DMD: variants seen among roughly 807,000 people sequenced by gnomAD.
DMD encodes the protein mutant dystrophin.
Under a neutral mutation model 330.1 loss-of-function variants are expected in DMD, and 63 were observed. The observed-to-expected ratio is 0.19, with a 90% CI of 0.16 to 0.24. The LOEUF (loss-of-function observed/expected upper bound fraction) is 0.24, where lower values mean the gene tolerates loss of function less well. DMD is among the 10% of genes least tolerant of loss of function. The pLI is 1.00. For missense variants in DMD, 3,344 were observed against 2,684.1 expected, an observed-to-expected ratio of 1.25 and a Z score of -5.43; for synonymous variants, 1,223 against 959.8, an observed-to-expected ratio of 1.27 and a Z score of -5.07.
intron 43 of DMD, among the ~76,000 whole-genome samples, chrX:32,233,965 T>C (rs766845055): frequency 9.0e-6 from 1 of 111,055 alleles, no homozygotes; most frequent in Non-Finnish European, 1.9e-5. Flanking sequence ...TGTGCCAAAA[T>C]TGTATATATA....
chrX:32,851,778 T>C (rs190637695), intron 2 of DMD, among the ~76,000 whole-genome samples: 1 of 111,774 alleles, frequency 8.9e-6, no homozygotes, highest in East Asian at 2.8e-4. Flanking sequence ...AAACGTTGCA[T>C]TGGAACCCAG....
Position 32,115,294 on chromosome X carries a change from G to A in DMD, c.6438+101622C>T, listed in dbSNP as rs774193744. Among the ~76,000 whole-genome samples the A allele has an allele frequency of 4.0e-3, 445 of 111,460 alleles. 2 individuals are homozygous for A. Among genetic ancestry groups the A allele is most frequent in the African/African-American group, 0.014 (414 of 30,619 alleles). On this transcript the variant is annotated intron_variant, in intron 44 of 78. Coordinates refer to ENST00000357033, the MANE Select transcript of DMD (RefSeq NM_004006.3). ...TCTGTTGCCCAGGCTGGAGTGCAGCGGTGTGATCACGGCTCACTGCAGCCT... is the reference window on the plus strand; with the variant it reads ...TCTGTTGCCCAGGCTGGAGTGCAGCAGTGTGATCACGGCTCACTGCAGCCT...
At chrX:32,172,451 G>T (rs1166162930) in intron 44 of DMD, among the ~76,000 whole-genome samples, 1 of 111,483 alleles carries the variant, frequency 9.0e-6, no homozygotes. Flanking sequence ...ATCAGTTTCC[G>T]AATATGCCAC....
At chrX:32,383,170 G>A (rs916906834) in intron 33 of DMD, among the ~76,000 whole-genome samples, 3 of 110,506 alleles carry the variant, frequency 2.7e-5, no homozygotes, top group Admixed American at 9.7e-5. Flanking sequence ...TAAGAATACA[G>A]CAAAAAGGTA....
chrX:33,317,430 G>C (rs1419395274), intron 1 of DMD, among the ~76,000 whole-genome samples: 2 of 111,486 alleles, frequency 1.8e-5, no homozygotes, highest in Non-Finnish European at 3.8e-5. Context: ...TTACATTTTA[G>C]AAAATAACAG....
chrX:32,867,315 T>C (rs1462076432), intron 2 of DMD, among the ~76,000 whole-genome samples: 1 of 112,118 alleles, frequency 8.9e-6, no homozygotes, highest in Non-Finnish European at 1.9e-5. Flanking sequence ...ACAAAAATAG[T>C]AAATCAAAAA....
At chrX:32,728,511 C>T (rs750628075) in intron 7 of DMD, among the ~76,000 whole-genome samples, 9 of 111,631 alleles carry the variant, frequency 8.1e-5, no homozygotes, top group African/African-American at 2.6e-4. Flanking sequence ...GCTTTTTATA[C>T]GCAGCTGCTT....
chrX:32,496,969 T>A (rs961419360), intron 19 of DMD, among the ~76,000 whole-genome samples: 1 of 112,039 alleles, frequency 8.9e-6, no homozygotes, highest in African/African-American at 3.2e-5. Flanking sequence ...CATGCCACAT[T>A]TGTATACAGA....
intron 54 of DMD, among the ~76,000 whole-genome samples, chrX:31,630,338 T>C (rs2079069910): frequency 8.9e-6 from 1 of 112,196 alleles, no homozygotes; most frequent in Non-Finnish European, 1.9e-5. Flanking sequence ...TCAGGCTGAA[T>C]ATTTTCTAAT....
In DMD at chrX:32,316,041, T is replaced by C. The variant is rs1281447502; in HGVS notation, c.5923-5765A>G. On this transcript the variant is annotated intron_variant, in intron 41 of 78. Transcript: ENST00000357033. ...ATCGAAATACTCTTAAAAGAAATAT[T>C]AGCCATTGAACTGCAGGTTGAGAAT... Among the ~76,000 whole-genome samples the C allele has an allele frequency of 2.7e-5, 3 of 111,352 alleles. 1 individual carries two copies. Among genetic ancestry groups the C allele is most frequent in the Admixed American group, 1.9e-4 (2 of 10,427 alleles).
At chrX:31,655,155 T>G (rs1299368866) in intron 54 of DMD, among the ~76,000 whole-genome samples, 1 of 111,707 alleles carries the variant, frequency 9.0e-6, no homozygotes, top group African/African-American at 3.3e-5. Context: ...GGTGAGGACC[T>G]TGAACAGTAG....
At chrX:31,799,464 T>C (rs1434935545) in intron 50 of DMD, among the ~76,000 whole-genome samples, 1 of 110,989 alleles carries the variant, frequency 9.0e-6, no homozygotes, top group African/African-American at 3.3e-5. Flanking sequence ...ATCATGAGAA[T>C]AGCATGGGGG....
Position 32,188,285 on chromosome X carries a change from C to G in DMD, c.6438+28631G>C, listed in dbSNP as rs1022276448. Among the ~76,000 whole-genome samples the G allele has an allele frequency of 3.7e-5, 4 of 108,379 alleles. No individual in the cohort carries two copies. In the Admixed American group the frequency reaches 4.0e-4, roughly 11 times the overall value. 94.1% of individuals were successfully genotyped at this position (108,379 alleles called of 115,157 possible). On this transcript the variant is annotated intron_variant, in intron 44 of 78. Transcript: ENST00000357033. ...AACTTGGTTTATGATTTATTTTGCT[C>G]TATGGAAGCTTTAAACTATCAGTTA...
chrX:32,717,180 G>A (rs1232335591), intron 7 of DMD, among the ~76,000 whole-genome samples: 1 of 111,518 alleles, frequency 9.0e-6, no homozygotes, highest in Non-Finnish European at 1.9e-5. Context: ...AGACAAAGGG[G>A]AAAATGCCCA....
chrX:32,506,159 T>C (rs920242672), intron 18 of DMD, among the ~76,000 whole-genome samples: 24 of 111,737 alleles, frequency 2.1e-4, no homozygotes, highest in Non-Finnish European at 4.1e-4. Context: ...GGAAAGCTAA[T>C]GTATAAACTA....
chrX:32,724,085 C>T (rs188466772), intron 7 of DMD, among the ~76,000 whole-genome samples: 11 of 111,562 alleles, frequency 9.9e-5, no homozygotes, highest in Admixed American at 4.8e-4. Flanking sequence ...CAATTAGATT[C>T]GACAGTTGAC....
At chrX:33,098,809 T>C (rs1352348063) in intron 1 of DMD, among the ~76,000 whole-genome samples, 1 of 111,762 alleles carries the variant, frequency 8.9e-6, no homozygotes, top group African/African-American at 3.3e-5. Context: ...TACTGCTGTG[T>C]CCGGTTTCCA....
intron 54 of DMD, among the ~76,000 whole-genome samples, chrX:31,653,727 A>G (rs1401229373): frequency 1.8e-5 from 2 of 111,669 alleles, no homozygotes; most frequent in African/African-American, 6.5e-5. Flanking sequence ...TATCACATCT[A>G]ATATTATCTT....
At chrX:33,253,694 G>A (rs2052808153) in intron 1 of DMD, among the ~76,000 whole-genome samples, 2 of 110,721 alleles carry the variant, frequency 1.8e-5, no homozygotes, top group South Asian at 3.8e-4. Context: ...AATTCTGATG[G>A]CCTCTCGATA....
Sources: allele counts gnomAD v4.1 joint callset (sites outside exome capture counted in the v4.1 genomes callset), GRCh38; gene constraint gnomAD v4.1.1; transcripts MANE v1.5; gene names NCBI Gene and HGNC (gene_info 2026-07-23, HGNC 2026-07-21).